Variants in POU6F2 observed in about 807,000 individuals in gnomAD.
The protein encoded by POU6F2 is POU class 6 homeobox 2.
Under a neutral mutation model 71.3 loss-of-function variants are expected in POU6F2, and 31 were observed. The observed-to-expected ratio is 0.43, with a 90% CI of 0.33 to 0.59. POU6F2 has a LOEUF of 0.59. Ranked by LOEUF, POU6F2 falls within the 20% of genes least tolerant of loss-of-function variation. The pLI, the probability that POU6F2 is intolerant of heterozygous loss-of-function variation, is 0.04. For missense variants in POU6F2, 783 were observed against 856.8 expected, an observed-to-expected ratio of 0.91 and a Z score of 1.07; for synonymous variants, 347 against 355.7, an observed-to-expected ratio of 0.98 and a Z score of 0.27.
intron 2 of POU6F2, among the ~76,000 whole-genome samples, chr7:39,123,702 A>G (rs899252603): frequency 2.6e-5 from 4 of 151,932 alleles, no homozygotes; most frequent in Admixed American, 6.6e-5. Context: ...TAAGGCTTCT[A>G]TTATGACTGC....
At chr7:39,255,666 C>T (rs142226770) in intron 4 of POU6F2, among the ~76,000 whole-genome samples, 1 of 152,228 alleles carries the variant, frequency 6.6e-6, no homozygotes, top group Non-Finnish European at 1.5e-5. Context: ...TAATCGGTTG[C>T]CAAATAAGTC....
At chr7:39,413,699 T>G (rs1241789377) in intron 6 of POU6F2, among the ~76,000 whole-genome samples, 1 of 152,230 alleles carries the variant, frequency 6.6e-6, no homozygotes, top group Non-Finnish European at 1.5e-5. Context: ...ATAACATTTC[T>G]TAAATCAGCT....
intron 1 of POU6F2, among the ~76,000 whole-genome samples, chr7:39,064,634 A>C (rs1381271051): frequency 1.3e-5 from 2 of 151,970 alleles, no homozygotes; most frequent in Non-Finnish European, 2.9e-5. Flanking sequence ...TATGGCAATA[A>C]ACATGAATGT....
chr7:38,998,247 CAT>C (rs1562660759), intron 1 of POU6F2, among the ~76,000 whole-genome samples: 1 of 152,174 alleles, frequency 6.6e-6, no homozygotes, highest in African/African-American at 2.4e-5. Context: ...TTACCTGTGA[CAT>C]CTCCTAGACC....
intron 4 of POU6F2, among the ~76,000 whole-genome samples, chr7:39,273,882 A>G (rs1442726211): frequency 6.6e-6 from 1 of 152,214 alleles, no homozygotes; most frequent in Non-Finnish European, 1.5e-5. Flanking sequence ...ATGTAAATGA[A>G]TAAAAGATTA....
At chr7:39,174,476 A>G (rs1793288894) in intron 2 of POU6F2, among the ~76,000 whole-genome samples, 2 of 152,136 alleles carry the variant, frequency 1.3e-5, no homozygotes, top group Admixed American at 1.3e-4. Flanking sequence ...GTATTCATAT[A>G]TTACTGTGAT....
At chr7:39,462,931 GC>G (rs1788983268) in intron 9 of POU6F2, among the ~76,000 whole-genome samples, 2 of 152,188 alleles carry the variant, frequency 1.3e-5, no homozygotes, top group African/African-American at 4.8e-5. Context: ...CATAAAGAAA[GC>G]CTATCCTTTT....
chr7:39,397,834 A>ATATATATATATGTG (rs1395034721), intron 5 of POU6F2, among the ~76,000 whole-genome samples: 29 of 143,680 alleles, frequency 2.0e-4, no homozygotes, highest in African/African-American at 6.0e-4. Flanking sequence ...ATATATATAT[A>ATATATATATATGTG]GTAGAGACGG....
chr7:39,345,331 G>A (rs768560183), intron 5 of POU6F2, among the ~76,000 whole-genome samples: 1 of 152,108 alleles, frequency 6.6e-6, no homozygotes, highest in South Asian at 2.1e-4. Flanking sequence ...AAATGATTTA[G>A]TTAGCAAAAA....
intron 5 of POU6F2, among the ~76,000 whole-genome samples, chr7:39,360,484 T>TACACATAA (rs1332664227): frequency 1.3e-5 from 2 of 152,174 alleles, no homozygotes; most frequent in Non-Finnish European, 2.9e-5. Flanking sequence ...ACCTTGAAGT[T>TACACATAA]ACACATAAAC....
chr7:39,013,891 A>G (rs1162219447), intron 1 of POU6F2, among the ~76,000 whole-genome samples: 1 of 152,218 alleles, frequency 6.6e-6, no homozygotes, highest in African/African-American at 2.4e-5. Context: ...CTTTAAATAT[A>G]CTAGCAAGAG....
intron 6 of POU6F2, among the ~76,000 whole-genome samples, chr7:39,418,178 T>C (rs1787726265): frequency 6.6e-6 from 1 of 152,246 alleles, no homozygotes; most frequent in Non-Finnish European, 1.5e-5. Flanking sequence ...TAAAGTATTT[T>C]GTTTTGTTCA....
At chr7:39,227,280 T>A (rs948613268) in intron 4 of POU6F2, among the ~76,000 whole-genome samples, 2 of 152,326 alleles carry the variant, frequency 1.3e-5, no homozygotes, top group African/African-American at 4.8e-5. Context: ...TTCCTTTTTT[T>A]TTCCATCGAG....
intron 3 of POU6F2, among the ~76,000 whole-genome samples, chr7:39,205,106 T>C (rs1793984227): frequency 6.6e-6 from 1 of 151,654 alleles, no homozygotes; most frequent in African/African-American, 2.4e-5. Flanking sequence ...CTTATTCCAC[T>C]CGCCACCAAG....
intron 5 of POU6F2, among the ~76,000 whole-genome samples, chr7:39,393,818 T>C (rs545747053): frequency 6.6e-6 from 1 of 152,324 alleles, no homozygotes; most frequent in East Asian, 1.9e-4. Flanking sequence ...GCCCATGGAC[T>C]GATAAAACAA....
chr7:39,403,267 TA>T (rs1286304323), intron 5 of POU6F2, among the ~76,000 whole-genome samples: 2 of 152,222 alleles, frequency 1.3e-5, no homozygotes, highest in African/African-American at 4.8e-5. Flanking sequence ...ATGCTTCTCT[TA>T]GTGGGATTTA....
At chr7:39,388,025 T>C (rs1483915735) in intron 5 of POU6F2, among the ~76,000 whole-genome samples, 1 of 151,298 alleles carries the variant, frequency 6.6e-6, no homozygotes, top group East Asian at 1.9e-4. Context: ...TCTAGGAAAT[T>C]ATAAATCCTC....
At chr7:39,389,135 A>C (rs895947877) in intron 5 of POU6F2, among the ~76,000 whole-genome samples, 6 of 152,234 alleles carry the variant, frequency 3.9e-5, no homozygotes, top group African/African-American at 1.4e-4. Flanking sequence ...ATTCATTTTC[A>C]GAAATATACA....
chr7:39,117,981 A>G (rs192413453), intron 2 of POU6F2, among the ~76,000 whole-genome samples: 4 of 152,258 alleles, frequency 2.6e-5, no homozygotes, highest in African/African-American at 7.2e-5. Context: ...TTGAACTCCA[A>G]TGGAGTTCAC....
Sources: gnomAD v4.1 joint callset for allele counts (sites outside exome capture counted in the v4.1 genomes callset) on GRCh38, gnomAD v4.1.1 for gene constraint, MANE v1.5 for transcripts, NCBI Gene and HGNC (gene_info 2026-07-23, HGNC 2026-07-21) for gene names.